ABCB4: variants seen among roughly 807,000 people sequenced by gnomAD.
ABCB4 encodes the protein phosphatidylcholine translocator ABCB4.
A neutral mutation model predicts 145.7 loss-of-function variants in ABCB4; 76 were observed. The observed-to-expected ratio is 0.52, with a 90% CI of 0.43 to 0.63. The LOEUF (loss-of-function observed/expected upper bound fraction) is 0.63. ABCB4 is among the 30% of genes least tolerant of loss of function. The pLI is 0.00. For missense variants in ABCB4, 1,234 were observed against 1,553.1 expected (o/e 0.79, Z 3.45); for synonymous variants, 517 against 566.8 (o/e 0.91, Z 1.25).
chr7:87,374,606 A>G, the ABCB4 span, among the ~76,000 whole-genome samples: 152,197 of 152,198 alleles, frequency 1, 76,098 homozygotes, highest in Non-Finnish European at 1. Flanking sequence ...AGAGAGGCAA[A>G]GCAAGTTGCT....
At position 87,401,829 on chromosome 7, in the gene ABCB4, T is replaced by G. The variant is rs1423713905; in HGVS notation, c.*267A>C. 2.0e-5 allele frequency: 12 copies of G among 594,798 alleles called. No individual in the cohort carries two copies. The highest frequency in any genetic ancestry group is 3.7e-5 in the Non-Finnish European group (12 of 322,002). The allele number at this position is 594,798 out of a possible 1,614,324, so 36.8% of individuals were successfully genotyped here. A position where few individuals can be genotyped will look rare whatever the true frequency, so the allele number is the denominator to read the frequency against. ...GGCTTCTATATTTCTACACCTGTACTTACCTTGAATTTTGTTCTTTTTCTG... is the reference window on the plus strand; with the variant it reads ...GGCTTCTATATTTCTACACCTGTACGTACCTTGAATTTTGTTCTTTTTCTG... On this transcript the variant is annotated 3_prime_UTR_variant, in exon 28 of 28. Transcript: ENST00000649586.
Position 87,439,700 on chromosome 7 carries a change from T to C in ABCB4, c.1698A>G (p.Glu566=), listed in dbSNP as rs1376596702. Residue 566 remains glutamate (E), a synonymous_variant, in exon 14 of 28, where the codon GAA becomes GAG. Coordinates refer to ENST00000649586, the MANE Select transcript of ABCB4 (RefSeq NM_000443.4). ...GAGCTGCCTGTACCTCAGCTTCACTTTCTGTGTCCAATGCTGACGTGGCCT... is the reference window on the plus strand; with the variant it reads ...GAGCTGCCTGTACCTCAGCTTCACTCTCTGTGTCCAATGCTGACGTGGCCT... The part of the protein sequence containing the change: ...LDEATSALDT[E]SEAEVQAALD... 6.2e-7 allele frequency: 1 copy of C among 1,614,138 alleles called. No homozygotes were observed. The highest frequency in any genetic ancestry group is 1.7e-5 in the Admixed American group (1 of 60,002).
At chr7:87,451,079 A>G (rs1469044093) in intron 7 of ABCB4, among the ~76,000 whole-genome samples, 3 of 152,168 alleles carry the variant, frequency 2.0e-5, no homozygotes, top group Non-Finnish European at 4.4e-5. Flanking sequence ...AATTTGAGGG[A>G]AATGTTATAT....
At chr7:87,404,854 A>G (rs1224964394) in intron 26 of ABCB4, among the ~76,000 whole-genome samples, 1 of 152,198 alleles carries the variant, frequency 6.6e-6, no homozygotes. Context: ...AAAAATAAAA[A>G]CTAATGACAA....
downstream of ABCB4, chr7:87,398,467 C>T: frequency 6.3e-7 from 1 of 1,597,300 alleles, no homozygotes; most frequent in East Asian, 2.2e-5. Flanking sequence ...TGGTTGTATT[C>T]ACCATCACTA....
the ABCB4 span, chr7:87,391,471 C>G: frequency 5.8e-5 from 53 of 916,866 alleles, no homozygotes; most frequent in Non-Finnish European, 8.3e-5. Flanking sequence ...AGTCTCCAAC[C>G]TATCTGTGTT....
chr7:87,370,730 G>T, the ABCB4 span, among the ~76,000 whole-genome samples: 1 of 152,204 alleles, frequency 6.6e-6, no homozygotes, highest in African/African-American at 2.4e-5. Context: ...CTTCCCAGGG[G>T]CAGTCATTTA....
At chr7:87,383,520 G>A in the ABCB4 span, among the ~76,000 whole-genome samples, 1 of 143,054 alleles carries the variant, frequency 7.0e-6, no homozygotes, top group Non-Finnish European at 1.5e-5. Context: ...TTTTGAGTCA[G>A]AGTCTTGCTC....
chr7:87,402,843 A>T (rs1807896542), intron 27 of ABCB4, among the ~76,000 whole-genome samples: 2 of 152,138 alleles, frequency 1.3e-5, no homozygotes, highest in Admixed American at 6.5e-5. Flanking sequence ...TACTAAAAAT[A>T]CAAAAATTAG....
chr7:87,388,315 C>T, the ABCB4 span, among the ~76,000 whole-genome samples: 1 of 152,040 alleles, frequency 6.6e-6, no homozygotes, highest in East Asian at 1.9e-4. Context: ...CCTGTATAGC[C>T]AAAACAATCC....
chr7:87,379,532 A>G, the ABCB4 span, among the ~76,000 whole-genome samples: 8 of 152,254 alleles, frequency 5.3e-5, no homozygotes, highest in Non-Finnish European at 7.3e-5. Context: ...TAGCACCAGT[A>G]TCCTGCTGTT....
At chr7:87,470,094 A>G (rs1187935153) in intron 3 of ABCB4, among the ~76,000 whole-genome samples, 1 of 152,238 alleles carries the variant, frequency 6.6e-6, no homozygotes, top group African/African-American at 2.4e-5. Flanking sequence ...TCTTTGACAA[A>G]CCTGACAAAA....
At chr7:87,444,369 G>A (rs908719402) in intron 10 of ABCB4, among the ~76,000 whole-genome samples, 5 of 152,074 alleles carry the variant, frequency 3.3e-5, no homozygotes, top group Non-Finnish European at 5.9e-5. Flanking sequence ...ACTTTTTTAC[G>A]TCAAAACTTT....
the ABCB4 span, among the ~76,000 whole-genome samples, chr7:87,379,421 A>G: frequency 4.6e-5 from 7 of 152,214 alleles, no homozygotes; most frequent in East Asian, 1.3e-3. Context: ...ATATTGTTAT[A>G]TAAGAGTAAG....
intron 15 of ABCB4, among the ~76,000 whole-genome samples, chr7:87,428,774 A>T (rs923230605): frequency 2.0e-5 from 3 of 152,212 alleles, no homozygotes; most frequent in African/African-American, 7.2e-5. Flanking sequence ...TCAATCTTAT[A>T]AATAGTTAAA....
chr7:87,435,283 G>A lies in ABCB4; in HGVS notation c.1732-3718C>T, dbSNP rs567096902. Among the ~76,000 whole-genome samples the A allele has an allele frequency of 6.6e-5, 10 of 152,276 alleles. No individual in the cohort carries two copies. In the South Asian group the frequency reaches 2.1e-3, roughly 32 times the overall value. ...TTACCTTGCAGTGTGGAGCCAATTA[G>A]TGCAGATTATAAACTGTTTTCATAG... On this transcript the variant is annotated intron_variant, in intron 14 of 27. Transcript: ENST00000649586.
At chr7:87,367,327 G>A in the ABCB4 span, among the ~76,000 whole-genome samples, 1 of 152,142 alleles carries the variant, frequency 6.6e-6, no homozygotes, top group African/African-American at 2.4e-5. Context: ...TGAGCCCAAG[G>A]AATGTGGATA....
At chr7:87,381,949 T>G in the ABCB4 span, 1 of 1,611,304 alleles carries the variant, frequency 6.2e-7, no homozygotes, top group Non-Finnish European at 8.5e-7. Flanking sequence ...GAACATCAGT[T>G]ATTATGTGGA....
At chr7:87,449,292 A>G (rs1811547628) in intron 8 of ABCB4, among the ~76,000 whole-genome samples, 1 of 152,114 alleles carries the variant, frequency 6.6e-6, no homozygotes, top group African/African-American at 2.4e-5. Flanking sequence ...ATGTTTTCTC[A>G]GGTTTTTCTC....
Sources: allele counts gnomAD v4.1 joint callset (sites outside exome capture counted in the v4.1 genomes callset), GRCh38; gene constraint gnomAD v4.1.1; transcripts MANE v1.5; gene names NCBI Gene and HGNC (gene_info 2026-07-23, HGNC 2026-07-21).